The following SPOCK3 variants were observed in gnomAD, a reference collection of about 807,000 sequenced individuals.
The protein encoded by SPOCK3 is testican-3.
A neutral mutation model predicts 56.6 loss-of-function variants in SPOCK3; 30 were observed. The ratio of observed to expected loss-of-function variants is 0.53; its 90% CI spans 0.40 to 0.72. The LOEUF is 0.72. Ranked by LOEUF, SPOCK3 falls within the 30% of genes least tolerant of loss-of-function variation. SPOCK3 has a pLI of 0.00. For missense variants in SPOCK3, 527 were observed against 530.0 expected (o/e 0.99, Z 0.06); for synonymous variants, 196 against 183.3 (o/e 1.07, Z -0.56).
chr4:167,009,504 C>G (rs1445252359), intron 3 of SPOCK3, among the ~76,000 whole-genome samples: 1 of 152,070 alleles, frequency 6.6e-6, no homozygotes, highest in Non-Finnish European at 1.5e-5. Context: ...AAAATTCAAG[C>G]TCATAATTTA....
intron 7 of SPOCK3, among the ~76,000 whole-genome samples, chr4:166,778,560 G>T (rs572325180): frequency 6.6e-6 from 1 of 152,082 alleles, no homozygotes; most frequent in Non-Finnish European, 1.5e-5. Context: ...GTCCACACAG[G>T]ATTCAATACA....
chr4:167,150,504 A>T (rs979168015), intron 2 of SPOCK3, among the ~76,000 whole-genome samples: 5 of 152,164 alleles, frequency 3.3e-5, no homozygotes, highest in African/African-American at 9.7e-5. Flanking sequence ...AAGAGGGTGG[A>T]AAGAGTGGAA....
intron 6 of SPOCK3, among the ~76,000 whole-genome samples, chr4:166,877,247 C>A (rs1157211837): frequency 6.6e-6 from 1 of 152,128 alleles, no homozygotes; most frequent in Admixed American, 6.5e-5. Flanking sequence ...CTGAACCTTT[C>A]AGAGCCATTT....
intron 5 of SPOCK3, among the ~76,000 whole-genome samples, chr4:166,891,134 T>C (rs1248988171): frequency 6.6e-6 from 1 of 152,046 alleles, no homozygotes; most frequent in Non-Finnish European, 1.5e-5. Context: ...CCCTTTATTT[T>C]GAGCCTATGT....
chr4:166,891,729 C>T (rs1374913051), intron 5 of SPOCK3, among the ~76,000 whole-genome samples: 2 of 151,932 alleles, frequency 1.3e-5, no homozygotes, highest in Non-Finnish European at 2.9e-5. Flanking sequence ...ATTTAATATT[C>T]TGCACTGTAT....
At chr4:167,127,305 C>T (rs1762357686) in intron 2 of SPOCK3, among the ~76,000 whole-genome samples, 1 of 151,882 alleles carries the variant, frequency 6.6e-6, no homozygotes, top group Admixed American at 6.6e-5. Flanking sequence ...GAACTGATTT[C>T]TTCTGTACTT....
intron 7 of SPOCK3, among the ~76,000 whole-genome samples, chr4:166,783,185 C>G (rs983252765): frequency 2.0e-5 from 3 of 152,036 alleles, no homozygotes; most frequent in Non-Finnish European, 2.9e-5. Flanking sequence ...ATGGCAAAAC[C>G]CTGTCTCTAC....
intron 7 of SPOCK3, among the ~76,000 whole-genome samples, chr4:166,782,794 T>C (rs1357906325): frequency 6.6e-6 from 1 of 152,152 alleles, no homozygotes; most frequent in Non-Finnish European, 1.5e-5. Flanking sequence ...TGTAAATAGG[T>C]TTAAAGATTT....
chr4:167,021,799 C>G (rs1384473918), intron 3 of SPOCK3, among the ~76,000 whole-genome samples: 1 of 151,996 alleles, frequency 6.6e-6, no homozygotes, highest in African/African-American at 2.4e-5. Flanking sequence ...CAAATGAACC[C>G]ACGGAGTTCT....
chr4:166,824,916 G>A (rs572459521), intron 6 of SPOCK3, among the ~76,000 whole-genome samples: 3 of 152,020 alleles, frequency 2.0e-5, no homozygotes, highest in East Asian at 3.9e-4. Flanking sequence ...GGGGAAAAAA[G>A]CAATTTAAAC....
At chr4:167,033,408 A>ATTATTAT (rs1554022784) in intron 3 of SPOCK3, among the ~76,000 whole-genome samples, 1 of 150,002 alleles carries the variant, frequency 6.7e-6, no homozygotes, top group Non-Finnish European at 1.5e-5. Flanking sequence ...TATTATTATT[A>ATTATTAT]TTATTATTAT....
chr4:166,739,250 T>C (rs1443942002), intron 9 of SPOCK3, among the ~76,000 whole-genome samples: 1 of 152,216 alleles, frequency 6.6e-6, no homozygotes, highest in Middle Eastern at 3.4e-3. Flanking sequence ...ATTTATTTAT[T>C]TATTTTTTGA....
At chr4:166,931,043 G>A (rs149475661) in intron 4 of SPOCK3, among the ~76,000 whole-genome samples, 2,012 of 152,092 alleles carry the variant, frequency 0.013, 40 homozygotes, top group African/African-American at 0.045. Context: ...GTGCAGTGGT[G>A]CGATCTCAGC....
chr4:166,742,768 A>G lies in SPOCK3; in HGVS notation c.932-709T>C, dbSNP rs912003525. On this transcript the variant is annotated intron_variant, in intron 8 of 10. Coordinates refer to ENST00000357545, the MANE Select transcript of SPOCK3 (RefSeq NM_001040159.2). ...ACCGATCTGGAAATAGTCTTTGCCT[A>G]TTTTCAAACTCAACCACTTGAAGGA... 2.0e-5 allele frequency among the ~76,000 whole-genome samples: 3 copies of G among 152,134 alleles called. No homozygotes were observed. The East Asian group carries it at 5.8e-4, about 29-fold the overall frequency.
intron 3 of SPOCK3, among the ~76,000 whole-genome samples, chr4:167,034,208 T>C (rs1752528315): frequency 6.6e-6 from 1 of 151,978 alleles, no homozygotes; most frequent in Non-Finnish European, 1.5e-5. Flanking sequence ...AATATTTTAA[T>C]ATACATACAC....
chr4:166,822,628 C>T (rs954318556), intron 6 of SPOCK3, among the ~76,000 whole-genome samples: 24 of 152,010 alleles, frequency 1.6e-4, no homozygotes, highest in Non-Finnish European at 7.4e-5. Context: ...TATTGCACTC[C>T]GTACACTCCA....
intron 6 of SPOCK3, among the ~76,000 whole-genome samples, chr4:166,804,151 A>T (rs1201119577): frequency 6.6e-6 from 1 of 152,152 alleles, no homozygotes; most frequent in East Asian, 1.9e-4. Context: ...CTTAGTAAGT[A>T]TAAGCTTTGT....
At chr4:166,776,441 CA>C (rs1739559567) in intron 7 of SPOCK3, among the ~76,000 whole-genome samples, 1 of 151,802 alleles carries the variant, frequency 6.6e-6, no homozygotes, top group Non-Finnish European at 1.5e-5. Context: ...AAACAACAAA[CA>C]AACAAACAAA....
intron 6 of SPOCK3, 64 bp from the exon 7 acceptor site, chr4:166,792,353 C>A: frequency 6.4e-7 from 1 of 1,552,790 alleles, no homozygotes; most frequent in South Asian, 1.1e-5. Context: ...TGCTATTTCT[C>A]TCATTAGTCC....
Sources: allele counts gnomAD v4.1 joint callset (sites outside exome capture counted in the v4.1 genomes callset), GRCh38; gene constraint gnomAD v4.1.1; transcripts MANE v1.5; gene names NCBI Gene and HGNC (gene_info 2026-07-23, HGNC 2026-07-21).